The following SMIM13 variants were observed in gnomAD, a reference collection of about 807,000 sequenced individuals.
SMIM13 encodes UPF0766 protein C6orf228.
Under a neutral mutation model 5.9 loss-of-function variants are expected in SMIM13, and 3 were observed. The observed-to-expected ratio is 0.51, with a 90% confidence interval of 0.23 to 1.31. The LOEUF (loss-of-function observed/expected upper bound fraction) is 1.31, where lower values mean the gene tolerates loss of function less well. SMIM13 is among the 40% of genes most tolerant of loss of function. The pLI, the probability that SMIM13 is intolerant of heterozygous loss-of-function variation, is 0.18. For missense variants in SMIM13, 85 were observed against 109.9 expected, an observed-to-expected ratio of 0.77 and a Z score of 1.01; for synonymous variants, 55 against 46.0, an observed-to-expected ratio of 1.19 and a Z score of -0.79.
intron 1 of SMIM13, chr6:11,103,461 C>CA (rs1758029047): frequency 3.6e-6 from 2 of 555,762 alleles, no homozygotes; most frequent in Non-Finnish European, 5.9e-6. Flanking sequence ...TTCCCCCCCT[C>CA]AAGAGTCCAA....
intron 1 of SMIM13, among the ~76,000 whole-genome samples, chr6:11,131,524 C>G (rs953146110): frequency 1.3e-5 from 2 of 151,686 alleles, no homozygotes; most frequent in African/African-American, 4.9e-5. Flanking sequence ...GATTTTTAAA[C>G]TTAGTATAAA....
At chr6:11,127,890 C>T (rs1005502212) in intron 1 of SMIM13, among the ~76,000 whole-genome samples, 2 of 152,138 alleles carry the variant, frequency 1.3e-5, no homozygotes, top group African/African-American at 4.8e-5. Context: ...TGAATGCTGT[C>T]AGGACTTAGT....
At chr6:11,107,122 G>GT (rs1758098231) in intron 1 of SMIM13, among the ~76,000 whole-genome samples, 1 of 152,258 alleles carries the variant, frequency 6.6e-6, no homozygotes, top group South Asian at 2.1e-4. Context: ...CCTGAAAACC[G>GT]TATGTCATGT....
intron 1 of SMIM13, among the ~76,000 whole-genome samples, chr6:11,123,468 T>C (rs1758337092): frequency 6.6e-6 from 1 of 152,228 alleles, no homozygotes; most frequent in Admixed American, 6.5e-5. Context: ...TGTGTGACTT[T>C]CTATTTCGTG....
chr6:11,101,339 C>A (rs1381758856), intron 1 of SMIM13, among the ~76,000 whole-genome samples: 3 of 152,202 alleles, frequency 2.0e-5, no homozygotes, highest in Admixed American at 1.3e-4. Context: ...TGCAGTCAAC[C>A]TCTCTTATTT....
chr6:11,123,025 A>G (rs1228426480), intron 1 of SMIM13, among the ~76,000 whole-genome samples: 4 of 152,148 alleles, frequency 2.6e-5, no homozygotes, highest in Admixed American at 2.0e-4. Flanking sequence ...CTGGGCAACA[A>G]AGCAAGACCC....
chr6:11,112,058 T>TGGGAGACTGTCTTTC (rs1758175280), intron 1 of SMIM13, among the ~76,000 whole-genome samples: 1 of 152,170 alleles, frequency 6.6e-6, no homozygotes, highest in East Asian at 1.9e-4. Context: ...TCCTGTCTTT[T>TGGGAGACTGTCTTTC]GGGAGACTGT....
chr6:11,105,179 C>T (rs756029701), intron 1 of SMIM13: 1 of 1,614,158 alleles, frequency 6.2e-7, no homozygotes, highest in Non-Finnish European at 8.5e-7. Flanking sequence ...TAGTACATAA[C>T]CAGCAATTGG....
chr6:11,134,868 G>C lies in SMIM13; in HGVS notation c.*266G>C, dbSNP rs1398839173. On this transcript the variant is annotated 3_prime_UTR_variant, in exon 2 of 2. Transcript: ENST00000416247. The stretch of plus-strand genomic sequence containing the variant: ...CTTTTGGGCTTATTTTCTTGCACTG[G>C]TGCAGATCTGGTAAACATTAAAGGC... 3 of 266,378 alleles carry C rather than the reference G, an allele frequency of 1.1e-5. No homozygotes were observed. The highest frequency in any genetic ancestry group is 6.8e-5 in the East Asian group (1 of 14,728). 16.5% of individuals were successfully genotyped at this position (266,378 alleles called of 1,614,324 possible).
chr6:11,134,044 G>C (rs892000211), intron 1 of SMIM13, among the ~76,000 whole-genome samples: 3 of 151,858 alleles, frequency 2.0e-5, no homozygotes, highest in African/African-American at 7.3e-5. Flanking sequence ...ACCGAGATAT[G>C]AAAGTCCAAG....
At chr6:11,123,820 T>A (rs1331267589) in intron 1 of SMIM13, among the ~76,000 whole-genome samples, 1 of 152,216 alleles carries the variant, frequency 6.6e-6, no homozygotes, top group Non-Finnish European at 1.5e-5. Flanking sequence ...TTGGAAACAT[T>A]TCAAATCTTC....
intron 1 of SMIM13, among the ~76,000 whole-genome samples, chr6:11,124,457 G>A (rs1452208837): frequency 6.6e-6 from 1 of 152,166 alleles, no homozygotes; most frequent in Non-Finnish European, 1.5e-5. Context: ...CAGTAAACAT[G>A]GGAATGTAGG....
At chr6:11,118,220 T>C (rs1425058120) in intron 1 of SMIM13, among the ~76,000 whole-genome samples, 1 of 151,848 alleles carries the variant, frequency 6.6e-6, no homozygotes, top group Non-Finnish European at 1.5e-5. Flanking sequence ...AAAAGGAATG[T>C]TTTTTTCTGC....
intron 1 of SMIM13, among the ~76,000 whole-genome samples, chr6:11,101,550 C>T (rs1483249951): frequency 6.6e-6 from 1 of 152,002 alleles, no homozygotes; most frequent in Non-Finnish European, 1.5e-5. Context: ...GGGTTTGGGG[C>T]TAGGGTTTAA....
At chr6:11,120,918 G>A (rs1758299898) in intron 1 of SMIM13, among the ~76,000 whole-genome samples, 1 of 152,140 alleles carries the variant, frequency 6.6e-6, no homozygotes, top group African/African-American at 2.4e-5. Context: ...CTGGGTTTGT[G>A]GTGTGTTGAT....
intron 1 of SMIM13, among the ~76,000 whole-genome samples, chr6:11,108,294 C>CT: frequency 6.6e-6 from 1 of 152,218 alleles, no homozygotes; most frequent in East Asian, 1.9e-4. Flanking sequence ...CAAAAGAAAA[C>CT]TTACAGTCCT....
At chr6:11,131,362 C>G (rs1329352307) in intron 1 of SMIM13, among the ~76,000 whole-genome samples, 1 of 150,658 alleles carries the variant, frequency 6.6e-6, no homozygotes, top group Non-Finnish European at 1.5e-5. Context: ...CCAAATTGAT[C>G]TGCAGATTAA....
chr6:11,107,704 G>A (rs532885762), intron 1 of SMIM13, among the ~76,000 whole-genome samples: 8 of 152,366 alleles, frequency 5.3e-5, no homozygotes, highest in Non-Finnish European at 1.2e-4. Flanking sequence ...GGATCATTGG[G>A]TGTATTGGGA....
At chr6:11,128,066 C>T (rs10946968) in intron 1 of SMIM13, among the ~76,000 whole-genome samples, 21,787 of 152,204 alleles carry the variant, frequency 0.14, 1,735 homozygotes, top group Non-Finnish European at 0.18. Flanking sequence ...TTACTCTTTT[C>T]TCTCCTTTCC....
Sources: gnomAD v4.1 joint callset for allele counts (sites outside exome capture counted in the v4.1 genomes callset) on GRCh38, gnomAD v4.1.1 for gene constraint, MANE v1.5 for transcripts, NCBI Gene and HGNC (gene_info 2026-07-23, HGNC 2026-07-21) for gene names.